The following NDUFS4 variants were observed in gnomAD, a reference collection of about 807,000 sequenced individuals.
NDUFS4 encodes NADH dehydrogenase [ubiquinone] iron-sulfur protein 4, mitochondrial.
NDUFS4 carries 28 observed loss-of-function variants against 24.3 expected under a neutral mutation model. That is an observed-to-expected ratio of 1.15 (90% CI 0.85 to 1.58). NDUFS4 has a LOEUF of 1.58. Among genes scored for constraint, NDUFS4 ranks in the 40% most tolerant of loss-of-function variants. NDUFS4 has a pLI of 0.00. For synonymous variants in NDUFS4, 93 were observed against 69.7 expected (o/e 1.34, Z -1.67); for missense variants, 223 against 207.9 (o/e 1.07, Z -0.45).
At chr5:53,658,773 A>G in intron 4 of NDUFS4, 149 bp downstream of exon 4, 1 of 348,842 alleles carries the variant, frequency 2.9e-6, no homozygotes, top group Non-Finnish European at 5.0e-6. Context: ...CTACATCAGA[A>G]CACCCACCTC....
At position 53,589,926 on chromosome 5, in the gene NDUFS4, A is replaced by G. The variant is rs376923009; in HGVS notation, c.99-13526A>G. ...TCGGGTTGGCTTTCCTTGCTCCTCA[A>G]CTTGCAGATGGCTTATTGTGGGACC... On this transcript the variant is annotated intron_variant, in intron 1 of 4. Transcript: ENST00000296684. 2.6e-4 allele frequency among the ~76,000 whole-genome samples: 39 copies of G among 152,154 alleles called. No homozygotes were observed. In the South Asian group the frequency reaches 7.9e-3, roughly 31 times the overall value.
chr5:53,679,901 T>C (rs1740602912), intron 4 of NDUFS4, among the ~76,000 whole-genome samples: 2 of 152,094 alleles, frequency 1.3e-5, no homozygotes, highest in Non-Finnish European at 2.9e-5. Context: ...ACATACAGAA[T>C]CTACACTAGA....
chr5:53,635,896 GTT>G (rs67164285), intron 2 of NDUFS4, among the ~76,000 whole-genome samples: 53,117 of 151,796 alleles, frequency 0.35, 10,150 homozygotes, highest in African/African-American at 0.51. Flanking sequence ...TCATAAAATA[GTT>G]TCTTAGTAGA....
intron 4 of NDUFS4, among the ~76,000 whole-genome samples, chr5:53,669,173 A>G (rs1038090012): frequency 1.3e-4 from 20 of 152,294 alleles, no homozygotes; most frequent in Admixed American, 3.9e-4. Context: ...ACTGTTACGT[A>G]TACTGCCTCA....
intron 2 of NDUFS4, among the ~76,000 whole-genome samples, chr5:53,632,037 C>T (rs1751425768): frequency 1.3e-5 from 2 of 152,344 alleles, no homozygotes; most frequent in South Asian, 4.1e-4. Flanking sequence ...CCGTGGTCTG[C>T]ACCCACTGTC....
chr5:53,586,222 A>G (rs1009069958), intron 1 of NDUFS4, among the ~76,000 whole-genome samples: 2 of 149,614 alleles, frequency 1.3e-5, no homozygotes, highest in Non-Finnish European at 3.0e-5. Flanking sequence ...CTAGCTACTC[A>G]GGAGGCTGAG....
chr5:53,660,818 A>G (rs544562281), intron 4 of NDUFS4, among the ~76,000 whole-genome samples: 4 of 152,258 alleles, frequency 2.6e-5, no homozygotes, highest in African/African-American at 9.6e-5. Flanking sequence ...GTGTCTGTTC[A>G]TATCCTTCGC....
Position 53,647,016 on chromosome 5 carries a change from T to C in NDUFS4, c.350+611T>C, listed in dbSNP as rs1294212220. Among the ~76,000 whole-genome samples the C allele has an allele frequency of 4.6e-5, 7 of 151,776 alleles. 1 individual carries two copies. Among genetic ancestry groups the C allele is most frequent in the Admixed American group, 3.9e-4 (6 of 15,248 alleles). On this transcript the variant is annotated intron_variant, in intron 3 of 4. Transcript: ENST00000296684. ...TATCCAAGATACTGTAAGAATGGTGTTTATAATATAGTGACACTTTAACTT... is the reference window on the plus strand; with the variant it reads ...TATCCAAGATACTGTAAGAATGGTGCTTATAATATAGTGACACTTTAACTT...
intron 3 of NDUFS4, among the ~76,000 whole-genome samples, chr5:53,650,875 A>T (rs1751995608): frequency 6.6e-6 from 1 of 152,230 alleles, no homozygotes. Flanking sequence ...TGGAAATAGC[A>T]TATTAAATGT....
intron 2 of NDUFS4, among the ~76,000 whole-genome samples, chr5:53,612,392 CT>C (rs1255866974): frequency 1.3e-5 from 2 of 152,000 alleles, no homozygotes; most frequent in Non-Finnish European, 2.9e-5. Flanking sequence ...AAAAAGGAAA[CT>C]TTTTATTTAG....
intron 4 of NDUFS4, among the ~76,000 whole-genome samples, chr5:53,662,868 TG>T (rs1752388362): frequency 6.6e-6 from 1 of 152,226 alleles, no homozygotes; most frequent in South Asian, 2.1e-4. Flanking sequence ...GCTAGCTTTT[TG>T]AATGTGTTTC....
intron 1 of NDUFS4, among the ~76,000 whole-genome samples, chr5:53,588,199 A>G (rs138616415): frequency 7.2e-5 from 11 of 152,262 alleles, no homozygotes; most frequent in African/African-American, 2.2e-4. Context: ...CATTATGTCT[A>G]AAAAACAGTG....
intron 1 of NDUFS4, among the ~76,000 whole-genome samples, chr5:53,569,080 CTTTAA>C (rs1245196426): frequency 2.0e-5 from 3 of 152,138 alleles, no homozygotes; most frequent in Non-Finnish European, 2.9e-5. Flanking sequence ...TCTTGATGAG[CTTTAA>C]AGTGAATACA....
intron 2 of NDUFS4, among the ~76,000 whole-genome samples, chr5:53,608,837 A>G (rs931559126): frequency 1.3e-5 from 2 of 152,256 alleles, no homozygotes; most frequent in Non-Finnish European, 2.9e-5. Flanking sequence ...AAATAAAACA[A>G]AGATTCAACT....
At chr5:53,588,676 A>T (rs948012021) in intron 1 of NDUFS4, among the ~76,000 whole-genome samples, 14 of 152,152 alleles carry the variant, frequency 9.2e-5, no homozygotes, top group Admixed American at 7.2e-4. Flanking sequence ...AAAAAACAAT[A>T]TGTCAGTCCA....
intron 1 of NDUFS4, among the ~76,000 whole-genome samples, chr5:53,587,650 C>A (rs1040926132): frequency 6.6e-6 from 1 of 151,446 alleles, no homozygotes; most frequent in Admixed American, 6.6e-5. Flanking sequence ...TATCATGGCT[C>A]ACTGCATCCT....
chr5:53,636,913 C>A (rs1293921335), intron 2 of NDUFS4, among the ~76,000 whole-genome samples: 1 of 152,142 alleles, frequency 6.6e-6, no homozygotes, highest in Non-Finnish European at 1.5e-5. Flanking sequence ...TCTGAGGCCT[C>A]CCCAGCCATG....
intron 1 of NDUFS4, among the ~76,000 whole-genome samples, chr5:53,584,813 G>A (rs1256186162): frequency 1.3e-5 from 2 of 151,918 alleles, no homozygotes; most frequent in Non-Finnish European, 2.9e-5. Context: ...TGTCGCCCAA[G>A]GTGGAGTGCT....
chr5:53,567,548 A>G (rs759881095), intron 1 of NDUFS4, among the ~76,000 whole-genome samples: 2 of 152,212 alleles, frequency 1.3e-5, no homozygotes, highest in African/African-American at 4.8e-5. Context: ...TATATATAAC[A>G]AGATATACTG....
Sources: allele counts gnomAD v4.1 joint callset (sites outside exome capture counted in the v4.1 genomes callset), GRCh38; gene constraint gnomAD v4.1.1; transcripts MANE v1.5; gene names NCBI Gene and HGNC (gene_info 2026-07-23, HGNC 2026-07-21).